The following AKAP11 variants were observed in gnomAD, a reference collection of about 807,000 sequenced individuals.
The protein encoded by AKAP11 is A-kinase anchoring protein 11.
In AKAP11, 36 loss-of-function variants were observed where a neutral mutation model predicts 146.1. The observed-to-expected ratio is 0.25, with a 90% CI of 0.19 to 0.33. AKAP11 has a LOEUF of 0.33. AKAP11 is among the 10% of genes least tolerant of loss of function. The pLI is 1.00. For synonymous variants in AKAP11, 780 were observed against 786.5 expected, an observed-to-expected ratio of 0.99 and a Z score of 0.14; for missense variants, 2,201 against 2,197.0, an observed-to-expected ratio of 1.00 and a Z score of -0.04.
rs778615717 is a variant in AKAP11, at chr13:42,303,517, G to C, written c.4771G>C (p.Asp1591His). The change falls in exon 8 of 13, where the codon GAC becomes CAC. Residue 1591 changes from aspartate (D) to histidine (H), a missense_variant. Physicochemically the swap from Asp to His is moderately conservative, Grantham distance 81 (BLOSUM62 -1). Coordinates refer to ENST00000025301, the MANE Select transcript of AKAP11 (RefSeq NM_016248.4). ...TACAGGTCAAGCTTGCAGATACTGTGACCTTAAAGAACTCCACAATTGCAC... is the reference window on the plus strand; with the variant it reads ...TACAGGTCAAGCTTGCAGATACTGTCACCTTAAAGAACTCCACAATTGCAC... ...PLTGQACRYC[D>H]LKELHNCTGN... 5 of 1,614,162 alleles carry C rather than the reference G, an allele frequency of 3.1e-6. No individual in the cohort carries two copies. The highest frequency in any genetic ancestry group is 3.3e-4 in the Middle Eastern group (2 of 6,062).
In AKAP11 at chr13:42,300,833, C is replaced by T; in HGVS notation, c.2087C>T (p.Ser696Phe). The change falls in exon 8 of 13, where the codon TCT (serine) becomes TTT (phenylalanine). Residue 696 changes from serine (S) to phenylalanine (F), a missense_variant. Transcript: ENST00000025301. ...TTGTATGCAAAAGATTTGTCTGAATCTGTAATACAGGAAGCATTCATTGAG... is the reference window on the plus strand; with the variant it reads ...TTGTATGCAAAAGATTTGTCTGAATTTGTAATACAGGAAGCATTCATTGAG... Reference protein sequence around the residue: ...VKLYAKDLSESVIQEAFIELS... With the variant: ...VKLYAKDLSEFVIQEAFIELS... 1.2e-6 allele frequency: 2 copies of T among 1,614,090 alleles called. No homozygotes were observed. The highest frequency in any genetic ancestry group is 1.7e-6 in the Non-Finnish European group (2 of 1,179,976).
At chr13:42,290,342 T>C (rs1364198542) in intron 3 of AKAP11, among the ~76,000 whole-genome samples, 4 of 152,192 alleles carry the variant, frequency 2.6e-5, no homozygotes, top group Admixed American at 6.5e-5. Context: ...GAAGTCCATA[T>C]TGTTGATGTT....
At chr13:42,277,271 A>G (rs1057092113) in intron 1 of AKAP11, among the ~76,000 whole-genome samples, 6 of 152,246 alleles carry the variant, frequency 3.9e-5, no homozygotes, top group African/African-American at 1.4e-4. Context: ...TTAAAACTGT[A>G]TTCAAATGTA....
At chr13:42,299,063 C>T (rs1303090782) in intron 7 of AKAP11, among the ~76,000 whole-genome samples, 1 of 152,076 alleles carries the variant, frequency 6.6e-6, no homozygotes, top group Non-Finnish European at 1.5e-5. Context: ...TGGAACATTC[C>T]TAGGTTCCAA....
In AKAP11 at chr13:42,301,012, C is replaced by T. The variant is rs747353631; in HGVS notation, c.2266C>T (p.Pro756Ser). Reference protein sequence around the residue: ...FHNQAIMVTKPVQEYKKEYTV... With the variant: ...FHNQAIMVTKSVQEYKKEYTV... ...CAATCAAGCAATTATGGTGACAAAA[C>T]CAGTGCAGGAATATAAAAAGGAATA... The change falls in exon 8 of 13, where the codon CCA (proline) becomes TCA (serine). Residue 756 changes from proline (P) to serine (S), a missense_variant. Pro to Ser is a moderately conservative substitution (Grantham distance 74). Coordinates refer to ENST00000025301, the MANE Select transcript of AKAP11 (RefSeq NM_016248.4). 10 of 1,613,946 alleles carry T rather than the reference C, an allele frequency of 6.2e-6. No homozygotes were observed. Among genetic ancestry groups the T allele is most frequent in the Admixed American group, 5.0e-5 (3 of 59,990 alleles).
At chr13:42,289,181 C>G (rs1419887742) in intron 3 of AKAP11, among the ~76,000 whole-genome samples, 1 of 152,138 alleles carries the variant, frequency 6.6e-6, no homozygotes, top group Non-Finnish European at 1.5e-5. Flanking sequence ...ATGGGAGTTG[C>G]AAAATGGTGA....
Position 42,302,164 on chromosome 13 carries a change from AC to A in AKAP11, c.3419del (p.Thr1140IlefsTer18). ...GTTTGCACCTGCTACACCACCTTCT[AC>A]TCCACACAACTCATCTGTTGGTAGT... ...KEFAPATPPSTPHNSSVGSLS... is the reference protein window; with the variant it reads ...KEFAPATPPSXPHNSSVGSLS... On this transcript the variant is annotated frameshift_variant, in exon 8 of 13. Transcript: ENST00000025301. LOFTEE classifies it high-confidence loss of function. The A allele has an allele frequency of 6.2e-7, 1 of 1,614,060 alleles. No homozygotes were observed. The highest frequency in any genetic ancestry group is 8.5e-7 in the Non-Finnish European group (1 of 1,179,968).
Position 42,301,035 on chromosome 13 carries a change from A to G in AKAP11, c.2289A>G (p.Glu763=), listed in dbSNP as rs1204743438. The change falls in exon 8 of 13, where the codon GAA becomes GAG. Residue 763 remains glutamate (E), a synonymous_variant. Transcript: ENST00000025301. The part of the protein sequence containing the change: ...VTKPVQEYKK[E]YTVQQALFCT... ...AACCAGTGCAGGAATATAAAAAGGA[A>G]TACACAGTGCAGCAGGCCTTGTTTT... is the stretch of plus-strand genomic sequence containing the variant. 1.2e-6 allele frequency: 2 copies of G among 1,614,140 alleles called. No individual in the cohort carries two copies. The highest frequency in any genetic ancestry group is 1.7e-6 in the Non-Finnish European group (2 of 1,179,968).
At chr13:42,310,345 C>T (rs886637668) in intron 9 of AKAP11, among the ~76,000 whole-genome samples, 2 of 152,126 alleles carry the variant, frequency 1.3e-5, no homozygotes, top group Non-Finnish European at 2.9e-5. Context: ...ATACAGTGTC[C>T]AGGGTCTCAC....
At position 42,319,931 on chromosome 13, in the gene AKAP11, G is replaced by A. The variant is rs1467333883; in HGVS notation, c.*703G>A. ...GGTGTGTGTGTGTGTGTGTGTGTGT[G>A]TGTGTGTGTGTGTGTGTGTAAGGGA... is the stretch of plus-strand genomic sequence containing the variant. On this transcript the variant is annotated 3_prime_UTR_variant, in exon 13 of 13. Transcript: ENST00000025301. 6 of 149,534 alleles carry A rather than the reference G, an allele frequency of 4.0e-5. No individual in the cohort carries two copies. 9.3% of individuals were successfully genotyped at this position (149,534 alleles called of 1,614,324 possible).
Position 42,297,079 on chromosome 13 carries a change from A to G in AKAP11, c.248A>G (p.Asp83Gly), listed in dbSNP as rs1959558331. The change falls in exon 6 of 13, where the codon GAT (aspartate) becomes GGT (glycine). Residue 83 changes from aspartate (D) to glycine (G), a missense_variant. Asp to Gly is a moderately conservative substitution (Grantham distance 94). Around this residue, in one of 3 missense-constraint regions of AKAP11, gnomAD observed 331 missense variants for 347.4 expected, o/e 0.95. Transcript: ENST00000025301. Reference sequence around the variant, plus strand: ...GCTGCAGTTTCTTTGGAACTTCCAGATATTCTGAATTCACTCCACTTCTGC... The same window carrying G: ...GCTGCAGTTTCTTTGGAACTTCCAGGTATTCTGAATTCACTCCACTTCTGC... ...DLAAVSLELP[D>G]ILNSLHFCSL... The G allele has an allele frequency of 2.5e-6, 4 of 1,590,402 alleles. No homozygotes were observed. The highest frequency in any genetic ancestry group is 1.8e-5 in the Admixed American group (1 of 55,462).
At chr13:42,317,013 G>A (rs7984432) in intron 11 of AKAP11, among the ~76,000 whole-genome samples, 1 of 152,048 alleles carries the variant, frequency 6.6e-6, no homozygotes, top group South Asian at 2.1e-4. Flanking sequence ...GAGTAGCTGG[G>A]ACTACAGGCA....
intron 1 of AKAP11, among the ~76,000 whole-genome samples, chr13:42,280,348 C>CA (rs1428624308): frequency 6.6e-6 from 1 of 152,160 alleles, no homozygotes; most frequent in Non-Finnish European, 1.5e-5. Flanking sequence ...GGCATTTGGT[C>CA]AAAATGTGTA....
chr13:42,279,930 C>T (rs1009610108), intron 1 of AKAP11, among the ~76,000 whole-genome samples: 1 of 152,158 alleles, frequency 6.6e-6, no homozygotes, highest in African/African-American at 2.4e-5. Context: ...GAATTATTGT[C>T]TCTACTAAGG....
chr13:42,305,153 GGAT>G (rs1339699556), intron 8 of AKAP11, among the ~76,000 whole-genome samples: 3 of 152,212 alleles, frequency 2.0e-5, no homozygotes, highest in Non-Finnish European at 4.4e-5. Context: ...TTAGTTGATA[GGAT>G]GATATTTGTA....
In AKAP11 at chr13:42,303,315, C is replaced by T. The variant is rs148911786; in HGVS notation, c.4569C>T (p.Ser1523=). 4.3e-5 allele frequency: 70 copies of T among 1,612,650 alleles called. No homozygotes were observed. Among genetic ancestry groups the T allele is most frequent in the South Asian group, 4.0e-4 (36 of 91,086 alleles). The change falls in exon 8 of 13, where the codon AGC becomes AGT. Residue 1523 remains serine (S), a synonymous_variant. Transcript: ENST00000025301. The stretch of plus-strand genomic sequence containing the variant: ...CACAAAATCACAGGTTTTACCACAG[C>T]ACTGGCAGTTTAAATGGATATGGTT... The part of the protein sequence containing the change: ...PSSQNHRFYH[S]TGSLNGYGCG...
chr13:42,272,598 G>A (rs1400552084), intron 1 of AKAP11, among the ~76,000 whole-genome samples: 1 of 149,742 alleles, frequency 6.7e-6, no homozygotes, highest in East Asian at 1.9e-4. Flanking sequence ...CGTGGTGCGC[G>A]TGCTTAGTGT....
Position 42,302,013 on chromosome 13 carries a change from GA to G in AKAP11, c.3270del (p.Val1091SerfsTer6). 6.2e-7 allele frequency: 1 copy of G among 1,613,198 alleles called. No individual in the cohort carries two copies. Among genetic ancestry groups the G allele is most frequent in the Non-Finnish European group, 8.5e-7 (1 of 1,179,732 alleles). On this transcript the variant is annotated frameshift_variant, in exon 8 of 13. Coordinates refer to ENST00000025301, the MANE Select transcript of AKAP11 (RefSeq NM_016248.4). LOFTEE classifies it high-confidence loss of function. The part of the protein sequence containing the change: ...VDGLHVEDKQ[K>X]VRDRNVIPDT... ...ATGGTTTGCATGTGGAAGATAAACA[GA>G]AAGTCAGAGACAGAAATGTAATACC...
chr13:42,275,503 T>C (rs1011327051), intron 1 of AKAP11, among the ~76,000 whole-genome samples: 14 of 152,222 alleles, frequency 9.2e-5, no homozygotes, highest in African/African-American at 3.1e-4. Flanking sequence ...CCTTTTAAAC[T>C]GGCCATGCCA....
Sources: gnomAD v4.1 joint callset for allele counts (sites outside exome capture counted in the v4.1 genomes callset) on GRCh38, gnomAD v4.1.1 for gene constraint, gnomAD v4.1.1 regional missense constraint, MANE v1.5 for transcripts, NCBI Gene and HGNC (gene_info 2026-07-23, HGNC 2026-07-21) for gene names.